CACNA2D2: variants seen among roughly 807,000 people sequenced by gnomAD.
CACNA2D2 encodes calcium voltage-gated channel auxiliary subunit alpha2delta 2, also known as voltage-dependent calcium channel subunit alpha-2/delta-2.
CACNA2D2 carries 48 observed loss-of-function variants against 166.4 expected under a neutral mutation model. That is an observed-to-expected ratio of 0.29 (90% CI 0.23 to 0.37). The LOEUF (loss-of-function observed/expected upper bound fraction) is 0.37, where lower values mean the gene tolerates loss of function less well. CACNA2D2 is among the 10% of genes least tolerant of loss of function. The probability of loss-of-function intolerance (pLI) is 1.00; values close to 1 mark genes in which losing one functional copy is unlikely to be tolerated. For missense variants in CACNA2D2, 1,122 were observed against 1,433.0 expected, an observed-to-expected ratio of 0.78 and a Z score of 3.50; for synonymous variants, 561 against 573.7, an observed-to-expected ratio of 0.98 and a Z score of 0.32.
chr3:50,496,103 G>C (rs2107177094), intron 1 of CACNA2D2, among the ~76,000 whole-genome samples: 1 of 152,312 alleles, frequency 6.6e-6, no homozygotes. Flanking sequence ...CCCACTGCCA[G>C]TGTTTGCCCA....
intron 3 of CACNA2D2, among the ~76,000 whole-genome samples, chr3:50,417,478 C>T (rs947073424): frequency 6.6e-6 from 1 of 152,154 alleles, no homozygotes; most frequent in Non-Finnish European, 1.5e-5. Context: ...GGGCTGGTAA[C>T]CCAGGATGGT....
chr3:50,496,114 G>A (rs1331090110), intron 1 of CACNA2D2, among the ~76,000 whole-genome samples: 1 of 152,220 alleles, frequency 6.6e-6, no homozygotes, highest in Non-Finnish European at 1.5e-5. Context: ...TGTTTGCCCA[G>A]CCGAGCCCTG....
Position 50,363,358 on chromosome 3 carries a change from C to T in CACNA2D2, c.*1308G>A. ...CCCCTCCTCCCAGTCCATCTGAGCC[C>T]CATCACTATATCCCCTTGCCCTCAG... On this transcript the variant is annotated 3_prime_UTR_variant, in exon 38 of 38. Coordinates refer to ENST00000424201, the MANE Select transcript of CACNA2D2 (RefSeq NM_006030.4). 2.5e-6 allele frequency: 1 copy of T among 398,324 alleles called. No individual in the cohort carries two copies. The allele number at this position is 398,324 out of a possible 1,614,324, so 24.7% of individuals were successfully genotyped here.
chr3:50,466,267 T>C (rs918037269), intron 2 of CACNA2D2, among the ~76,000 whole-genome samples: 14 of 143,002 alleles, frequency 9.8e-5, no homozygotes, highest in East Asian at 2.7e-4. Flanking sequence ...AGTGTGTGTG[T>C]GCGCATGTGT....
At chr3:50,410,578 C>T (rs552126033) in intron 3 of CACNA2D2, among the ~76,000 whole-genome samples, 1 of 152,298 alleles carries the variant, frequency 6.6e-6, no homozygotes, top group South Asian at 2.1e-4. Context: ...CAGCCCACTG[C>T]TCTGCCTGGC....
At chr3:50,503,809 C>G (rs1368818261), upstream of CACNA2D2, among the ~76,000 whole-genome samples, 2 of 151,726 alleles carry the variant, frequency 1.3e-5, no homozygotes, top group African/African-American at 4.8e-5. Context: ...CAGCCCGAAT[C>G]CTGCCCTACT....
chr3:50,376,154 A>G lies in CACNA2D2; in HGVS notation c.1661T>C (p.Leu554Pro). ...GANGYVFAIDLNGYVLLHPNL... is the reference protein window; with the variant it reads ...GANGYVFAIDPNGYVLLHPNL... ...GGGGTGCAGCAACACGTAGCCGTTC[A>G]GGTCAATGGCAAACACATAGCCGTT... The change falls in exon 18 of 38, where the codon CTG (leucine) becomes CCG (proline). Residue 554 changes from leucine to proline, a missense_variant. This residue lies in a region of CACNA2D2 where 840 missense variants were observed against 1,166.8 expected (regional missense o/e 0.72). Coordinates refer to ENST00000424201, the MANE Select transcript of CACNA2D2 (RefSeq NM_006030.4). This position sits in a 1 kb window ranked among gnomAD's most constrained non-coding sequence, Gnocchi z 4.3. 1 of 1,613,480 alleles carries G rather than the reference A, an allele frequency of 6.2e-7. No homozygotes were observed. Among genetic ancestry groups the G allele is most frequent in the South Asian group, 1.1e-5 (1 of 91,086 alleles).
Position 50,380,690 on chromosome 3 carries a change from G to T in CACNA2D2, c.842+58C>A. On this transcript the variant is annotated intron_variant, in intron 8 of 37. Coordinates refer to ENST00000424201, the MANE Select transcript of CACNA2D2 (RefSeq NM_006030.4). This position sits in a 1 kb window ranked among gnomAD's most constrained non-coding sequence, Gnocchi z 4.9. ...TGGAAATGGGGAGGGAGGGGAGCAG[G>T]CAGGAAAGGTGGGGAACTGAGGGGG... 1.5e-6 allele frequency: 2 copies of T among 1,333,198 alleles called. No individual in the cohort carries two copies. The highest frequency in any genetic ancestry group is 2.0e-6 in the Non-Finnish European group (2 of 995,002). 82.6% of individuals were successfully genotyped at this position (1,333,198 alleles called of 1,614,324 possible).
intron 1 of CACNA2D2, among the ~76,000 whole-genome samples, chr3:50,502,525 A>G (rs1699019261): frequency 6.6e-6 from 1 of 152,204 alleles, no homozygotes; most frequent in African/African-American, 2.4e-5. Context: ...AGGAGAAGCT[A>G]TTACTCTGTT....
At chr3:50,466,058 G>T (rs1462792528) in intron 2 of CACNA2D2, among the ~76,000 whole-genome samples, 1 of 152,120 alleles carries the variant, frequency 6.6e-6, no homozygotes, top group East Asian at 1.9e-4. Flanking sequence ...GTCCTAGGTG[G>T]CCTCACCACC....
intron 2 of CACNA2D2, among the ~76,000 whole-genome samples, chr3:50,446,265 G>T (rs553771730): frequency 5.6e-4 from 85 of 152,256 alleles, no homozygotes; most frequent in African/African-American, 2.0e-3. Flanking sequence ...TTACTGGCGG[G>T]GCCAAAGTGA....
intron 1 of CACNA2D2, among the ~76,000 whole-genome samples, chr3:50,486,405 C>A (rs1418704163): frequency 2.0e-5 from 3 of 151,980 alleles, no homozygotes; most frequent in Non-Finnish European, 4.4e-5. Context: ...ATCCTCCCCA[C>A]CCCCCAGCAT....
In CACNA2D2 at chr3:50,427,288, A is replaced by C. The variant is rs1707848084; in HGVS notation, c.405+7025T>G. Among the ~76,000 whole-genome samples, 1 of 152,162 alleles carries C rather than the reference A, an allele frequency of 6.6e-6. No homozygotes were observed. The highest frequency in any genetic ancestry group is 1.5e-5 in the Non-Finnish European group (1 of 68,018). On this transcript the variant is annotated intron_variant, in intron 3 of 37. Transcript: ENST00000424201. The surrounding 1 kb of genome is among the most constrained non-coding windows in gnomAD (Gnocchi z 4.7). ...CCTCCCTCTGTAGGCGGAGGGCCCC[A>C]AGGGTGCCCACACAATGGGTGTCCA...
intron 3 of CACNA2D2, among the ~76,000 whole-genome samples, chr3:50,409,209 T>C (rs532039188): frequency 6.6e-6 from 1 of 152,348 alleles, no homozygotes; most frequent in East Asian, 1.9e-4. Context: ...AGAGGAACGC[T>C]GAAGTGCTGG....
intron 3 of CACNA2D2, among the ~76,000 whole-genome samples, chr3:50,404,109 T>C (rs1280771446): frequency 6.6e-6 from 1 of 152,042 alleles, no homozygotes; most frequent in Non-Finnish European, 1.5e-5. Flanking sequence ...ATCTGCTGGT[T>C]TGGAGGCCCT....
At chr3:50,471,408 C>T (rs1187983967) in intron 2 of CACNA2D2, among the ~76,000 whole-genome samples, 1 of 152,174 alleles carries the variant, frequency 6.6e-6, no homozygotes, top group Non-Finnish European at 1.5e-5. Context: ...TTCTTGTGCT[C>T]CTCTTGCCTG....
chr3:50,493,348 G>C (rs201968531), intron 1 of CACNA2D2, among the ~76,000 whole-genome samples: 1 of 152,264 alleles, frequency 6.6e-6, no homozygotes, highest in South Asian at 2.1e-4. Flanking sequence ...CAGCCAATGA[G>C]ATGTGAGAGG....
rs1191194030 is a variant in CACNA2D2 at position 50,377,717 on chromosome 3, C to T, written c.1551+15G>A. 2 of 1,607,916 alleles carry T rather than the reference C, an allele frequency of 1.2e-6. No individual in the cohort carries two copies. The highest frequency in any genetic ancestry group is 1.7e-6 in the Non-Finnish European group (2 of 1,176,442). The stretch of plus-strand genomic sequence containing the variant: ...CCCAGGCACACCCATAGCCCCAACC[C>T]TCCCCTTTCCTCACCTTCTTTTCCC... On this transcript the variant is annotated intron_variant, in intron 16 of 37. Coordinates refer to ENST00000424201, the MANE Select transcript of CACNA2D2 (RefSeq NM_006030.4).
chr3:50,377,702 C>T, intron 16 of CACNA2D2, 30 bp downstream of exon 16: 8 of 1,602,974 alleles, frequency 5.0e-6, no homozygotes, highest in Non-Finnish European at 6.8e-6. Context: ...CCCAGGCACA[C>T]CCATAGCCCC....
Sources: allele counts gnomAD v4.1 joint callset (sites outside exome capture counted in the v4.1 genomes callset), GRCh38; gene constraint gnomAD v4.1.1; regional missense constraint gnomAD v4.1.1; non-coding constraint Gnocchi (gnomAD v3.1); transcripts MANE v1.5; gene names NCBI Gene and HGNC (gene_info 2026-07-23, HGNC 2026-07-21).